Variants in FAM53B observed in about 807,000 individuals in gnomAD.
FAM53B encodes family with sequence similarity 53 member B, also known as protein FAM53B.
FAM53B carries 12 observed loss-of-function variants against 32.7 expected under a neutral mutation model. That is an observed-to-expected ratio of 0.37 (90% CI 0.24 to 0.59). The LOEUF (loss-of-function observed/expected upper bound fraction) is 0.59, where lower values mean the gene tolerates loss of function less well. Among genes scored for constraint, FAM53B ranks in the 20% least tolerant of loss-of-function variants. The probability of loss-of-function intolerance (pLI) is 0.72; values close to 1 mark genes in which losing one functional copy is unlikely to be tolerated. For missense variants in FAM53B, 477 were observed against 577.7 expected (o/e 0.83, Z 1.79); for synonymous variants, 234 against 228.7 (o/e 1.02, Z -0.21).
intron 1 of FAM53B, among the ~76,000 whole-genome samples, chr10:124,738,030 A>G (rs1344562259): frequency 2.6e-5 from 4 of 152,050 alleles, no homozygotes; most frequent in African/African-American, 9.7e-5. Context: ...AACAGAAATG[A>G]CCTCGATGAT....
intron 4 of FAM53B, among the ~76,000 whole-genome samples, chr10:124,650,915 AT>A (rs1226959320): frequency 2.0e-5 from 3 of 152,128 alleles, no homozygotes; most frequent in Admixed American, 1.3e-4. Flanking sequence ...TTCAACGAGA[AT>A]GAAAACAAAC....
At chr10:124,739,109 C>T (rs937935612) in intron 1 of FAM53B, among the ~76,000 whole-genome samples, 8 of 150,182 alleles carry the variant, frequency 5.3e-5, no homozygotes, top group Admixed American at 4.0e-4. Context: ...GGGGAAAAGG[C>T]AGTTAAAAGT....
At chr10:124,626,304 C>A (rs149940111) in intron 4 of FAM53B, among the ~76,000 whole-genome samples, 1 of 151,484 alleles carries the variant, frequency 6.6e-6, no homozygotes, top group Non-Finnish European at 1.5e-5. Flanking sequence ...TGGCATAAGG[C>A]GCAGGTAGCG....
At chr10:124,683,834 A>C (rs1340217932) in intron 3 of FAM53B, among the ~76,000 whole-genome samples, 1 of 152,218 alleles carries the variant, frequency 6.6e-6, no homozygotes, top group Non-Finnish European at 1.5e-5. Flanking sequence ...CGAGGCAGCA[A>C]GGACTACAAA....
At chr10:124,633,495 A>ATGGG (rs1949405489) in intron 4 of FAM53B, among the ~76,000 whole-genome samples, 2 of 152,354 alleles carry the variant, frequency 1.3e-5, no homozygotes, top group East Asian at 3.9e-4. Flanking sequence ...AACTCTGTAA[A>ATGGG]GAACAGTGGG....
At chr10:124,710,670 G>A (rs1435634221) in intron 1 of FAM53B, among the ~76,000 whole-genome samples, 2 of 152,230 alleles carry the variant, frequency 1.3e-5, no homozygotes, top group East Asian at 1.9e-4. Flanking sequence ...CACCTCTGGG[G>A]CACACACCCT....
chr10:124,681,544 G>C, intron 4 of FAM53B, 63 bp downstream of exon 4: 3 of 1,411,928 alleles, frequency 2.1e-6, no homozygotes, highest in Non-Finnish European at 2.8e-6. Context: ...TGTCTAGGAC[G>C]GCCCAGAACC....
Position 124,623,071 on chromosome 10 carries a change from AGGCCAG to A in FAM53B, c.*165_*170del, listed in dbSNP as rs1181338732. On this transcript the variant is annotated 3_prime_UTR_variant, in exon 5 of 5. Transcript: ENST00000337318. Reference sequence around the variant, plus strand: ...GACACACCCGCTGTATGACGCGGCCAGGCCAGGCTCTCCCCCAGGCAGCAGGTGGGC... The same window carrying A: ...GACACACCCGCTGTATGACGCGGCCAGCTCTCCCCCAGGCAGCAGGTGGGC... 2.3e-6 allele frequency: 2 copies of A among 851,582 alleles called. No homozygotes were observed. The highest frequency in any genetic ancestry group is 3.6e-6 in the Non-Finnish European group (2 of 563,144). The allele number at this position is 851,582 out of a possible 1,614,324, so 52.8% of individuals were successfully genotyped here.
chr10:124,718,196 C>A (rs536484196), intron 1 of FAM53B, among the ~76,000 whole-genome samples: 8 of 152,222 alleles, frequency 5.3e-5, no homozygotes, highest in African/African-American at 1.9e-4. Context: ...AAGGTCCCAA[C>A]AAGCTCTGTA....
At chr10:124,672,762 A>G (rs771122521) in intron 4 of FAM53B, among the ~76,000 whole-genome samples, 12 of 152,236 alleles carry the variant, frequency 7.9e-5, no homozygotes, top group Non-Finnish European at 1.8e-4. Flanking sequence ...GGAAAGGGTA[A>G]GGAATGGGGC....
intron 4 of FAM53B, among the ~76,000 whole-genome samples, chr10:124,629,282 G>A (rs533700042): frequency 2.7e-4 from 41 of 152,156 alleles, no homozygotes; most frequent in Non-Finnish European, 3.5e-4. Context: ...CCCTGCCTGC[G>A]CCAAGTCCGT....
chr10:124,644,793 G>C (rs1460600911), intron 4 of FAM53B, among the ~76,000 whole-genome samples: 1 of 152,198 alleles, frequency 6.6e-6, no homozygotes, highest in Admixed American at 6.5e-5. Flanking sequence ...GGGCCATTTG[G>C]GCTGGCTTTT....
chr10:124,715,162 C>T (rs1274451162), intron 1 of FAM53B, among the ~76,000 whole-genome samples: 3 of 152,244 alleles, frequency 2.0e-5, no homozygotes, highest in African/African-American at 7.2e-5. Flanking sequence ...GCAATACACA[C>T]ACTCTCTAAT....
At chr10:124,715,629 G>T (rs1007523619) in intron 1 of FAM53B, among the ~76,000 whole-genome samples, 4 of 152,178 alleles carry the variant, frequency 2.6e-5, no homozygotes, top group Admixed American at 1.3e-4. Context: ...CACAGAGCCT[G>T]CCCACGGCAG....
At chr10:124,700,021 G>A (rs972056441) in intron 2 of FAM53B, among the ~76,000 whole-genome samples, 3 of 152,306 alleles carry the variant, frequency 2.0e-5, no homozygotes, top group African/African-American at 7.2e-5. Flanking sequence ...GACTGATTTC[G>A]TGCTTGACCT....
intron 3 of FAM53B, among the ~76,000 whole-genome samples, chr10:124,693,522 G>A (rs1364294786): frequency 2.0e-5 from 3 of 152,016 alleles, no homozygotes; most frequent in Non-Finnish European, 4.4e-5. Flanking sequence ...CGCTGCCTGG[G>A]TGGAGTGCAC....
chr10:124,728,694 G>A (rs1445135161), intron 1 of FAM53B, among the ~76,000 whole-genome samples: 1 of 152,180 alleles, frequency 6.6e-6, no homozygotes, highest in African/African-American at 2.4e-5. Context: ...AAATAGCCCA[G>A]GACAAACGAA....
chr10:124,741,847 G>C (rs1950202068), intron 1 of FAM53B, among the ~76,000 whole-genome samples: 1 of 152,226 alleles, frequency 6.6e-6, no homozygotes, highest in Non-Finnish European at 1.5e-5. Flanking sequence ...GTTGAAAAGA[G>C]AAGAGGGAAA....
chr10:124,722,740 C>T (rs1481146843), intron 1 of FAM53B, among the ~76,000 whole-genome samples: 1 of 152,208 alleles, frequency 6.6e-6, no homozygotes, highest in Non-Finnish European at 1.5e-5. Flanking sequence ...CTTGCACATG[C>T]ATATGGAATA....
Sources: gnomAD v4.1 joint callset for allele counts (sites outside exome capture counted in the v4.1 genomes callset) on GRCh38, gnomAD v4.1.1 for gene constraint, MANE v1.5 for transcripts, NCBI Gene and HGNC (gene_info 2026-07-23, HGNC 2026-07-21) for gene names.